The following NCOA2 variants were observed in gnomAD, a reference collection of about 807,000 sequenced individuals.
NCOA2 encodes class E basic helix-loop-helix protein 75.
A neutral mutation model predicts 145.1 loss-of-function variants in NCOA2; 21 were observed. That is an observed-to-expected ratio of 0.14 (90% CI 0.10 to 0.21). The LOEUF (loss-of-function observed/expected upper bound fraction) is 0.21, where lower values mean the gene tolerates loss of function less well. Among genes scored for constraint, NCOA2 ranks in the 10% least tolerant of loss-of-function variants. The probability of loss-of-function intolerance (pLI) is 1.00; values close to 1 mark genes in which losing one functional copy is unlikely to be tolerated. For missense variants in NCOA2, 1,472 were observed against 1,837.6 expected, an observed-to-expected ratio of 0.80 and a Z score of 3.64; for synonymous variants, 619 against 637.5, an observed-to-expected ratio of 0.97 and a Z score of 0.44.
intron 15 of NCOA2, among the ~76,000 whole-genome samples, chr8:70,134,296 C>T (rs1007897654): frequency 7.2e-5 from 11 of 152,156 alleles, no homozygotes; most frequent in African/African-American, 2.7e-4. Flanking sequence ...GAGGAGATTC[C>T]TCAATGAGGA....
intron 14 of NCOA2, 41 bp from the exon 15 acceptor site, chr8:70,138,373 G>C (rs761011157): frequency 1.3e-6 from 2 of 1,542,060 alleles, no homozygotes; most frequent in African/African-American, 2.8e-5. Flanking sequence ...CTTTAATCAA[G>C]GAAGCATTTA....
At chr8:70,320,862 A>AT (rs1354955072) in intron 1 of NCOA2, among the ~76,000 whole-genome samples, 7 of 152,268 alleles carry the variant, frequency 4.6e-5, no homozygotes, top group African/African-American at 1.7e-4. Flanking sequence ...CACTGTGCAT[A>AT]TTGTCTTTAG....
the NCOA2 span, among the ~76,000 whole-genome samples, chr8:70,421,404 A>G: frequency 6.6e-6 from 1 of 151,898 alleles, no homozygotes; most frequent in South Asian, 2.1e-4. Flanking sequence ...AAGAACACAA[A>G]ACAATTAGCC....
chr8:70,118,911 C>T (rs1340597086), intron 22 of NCOA2, among the ~76,000 whole-genome samples: 1 of 152,152 alleles, frequency 6.6e-6, no homozygotes, highest in Non-Finnish European at 1.5e-5. Flanking sequence ...TAGTCTCAAA[C>T]TCTTGACCTC....
At chr8:70,431,229 A>C in the NCOA2 span, among the ~76,000 whole-genome samples, 11 of 152,048 alleles carry the variant, frequency 7.2e-5, no homozygotes, top group Non-Finnish European at 1.5e-4. Context: ...TGTATAATAA[A>C]TAATTTATTT....
At chr8:70,195,287 G>C (rs1026341494) in intron 4 of NCOA2, among the ~76,000 whole-genome samples, 5 of 152,128 alleles carry the variant, frequency 3.3e-5, no homozygotes, top group Middle Eastern at 3.2e-3. Flanking sequence ...CTCTTTAAGA[G>C]TAAAAAATTG....
intron 2 of NCOA2, among the ~76,000 whole-genome samples, chr8:70,226,074 GGAAA>G (rs1319671688): frequency 2.0e-5 from 3 of 151,238 alleles, no homozygotes. Context: ...TGGTGAATTT[GGAAA>G]GAAAAATTAA....
intron 2 of NCOA2, 97 bp from the exon 3 acceptor site, chr8:70,216,861 A>G: frequency 1.3e-6 from 1 of 769,632 alleles, no homozygotes; most frequent in Non-Finnish European, 2.2e-6. Flanking sequence ...TTTGACTCCA[A>G]TCAGAAATTT....
intron 13 of NCOA2, among the ~76,000 whole-genome samples, chr8:70,143,843 G>C (rs1361736577): frequency 6.6e-6 from 1 of 152,224 alleles, no homozygotes; most frequent in Non-Finnish European, 1.5e-5. Context: ...CATTGAGACA[G>C]AGGAAGAAAG....
intron 2 of NCOA2, among the ~76,000 whole-genome samples, chr8:70,219,493 G>A (rs1463027606): frequency 6.6e-6 from 1 of 152,166 alleles, no homozygotes; most frequent in Non-Finnish European, 1.5e-5. Context: ...AGGGGAAAGT[G>A]GGGTGGAGTC....
chr8:70,289,371 C>T (rs1462325067), intron 2 of NCOA2, among the ~76,000 whole-genome samples: 3 of 152,140 alleles, frequency 2.0e-5, no homozygotes, highest in Non-Finnish European at 4.4e-5. Flanking sequence ...CTTTTATAGT[C>T]TAGGTAAAGA....
intron 2 of NCOA2, among the ~76,000 whole-genome samples, chr8:70,218,750 G>A (rs1819881286): frequency 6.6e-6 from 1 of 152,126 alleles, no homozygotes. Flanking sequence ...AAATGACCTA[G>A]GAGATTTTCA....
At chr8:70,411,104 C>T in the NCOA2 span, among the ~76,000 whole-genome samples, 19 of 152,132 alleles carry the variant, frequency 1.2e-4, no homozygotes, top group South Asian at 4.2e-4. Context: ...TTTAAAAAAC[C>T]GGGTAAGAGG....
intron 4 of NCOA2, among the ~76,000 whole-genome samples, chr8:70,195,665 C>T (rs1817224191): frequency 6.6e-6 from 1 of 152,036 alleles, no homozygotes; most frequent in Non-Finnish European, 1.5e-5. Flanking sequence ...ATTGTTAGAC[C>T]AAAGTTCTTG....
rs1202395726 is a variant in NCOA2 at position 70,200,030 on chromosome 8, A to G, written c.259+13873T>C. The stretch of plus-strand genomic sequence containing the variant: ...TTTTCCCCCCTTGTCATTATTCCCT[A>G]AACAATACACTATAACAACTATGTA... On this transcript the variant is annotated intron_variant, in intron 4 of 22. Coordinates refer to ENST00000452400, the MANE Select transcript of NCOA2 (RefSeq NM_006540.4). Among the ~76,000 whole-genome samples, 7 of 152,174 alleles carry G rather than the reference A, an allele frequency of 4.6e-5. No individual in the cohort carries two copies. The South Asian group carries it at 1.2e-3, about 27-fold the overall frequency.
chr8:70,193,518 GCTAT>G (rs776499446), intron 4 of NCOA2, among the ~76,000 whole-genome samples: 1 of 152,126 alleles, frequency 6.6e-6, no homozygotes, highest in African/African-American at 2.4e-5. Context: ...TGACAATTCA[GCTAT>G]CTAACAATAT....
upstream of NCOA2, among the ~76,000 whole-genome samples, chr8:70,405,906 C>A (rs1363347046): frequency 6.6e-6 from 1 of 152,160 alleles, no homozygotes; most frequent in Non-Finnish European, 1.5e-5. Context: ...ACAAAAACGT[C>A]TGACAGCATA....
Position 70,295,802 on chromosome 8 carries a change from G to A in NCOA2, c.-20+942C>T, listed in dbSNP as rs969944728. 9.2e-5 allele frequency among the ~76,000 whole-genome samples: 14 copies of A among 152,156 alleles called. No homozygotes were observed. The South Asian group carries it at 1.2e-3, about 14-fold the overall frequency. On this transcript the variant is annotated intron_variant, in intron 2 of 22. Transcript: ENST00000452400. Reference sequence around the variant, plus strand: ...ATTAAAAATACAAAAAAAATTAGTGGTGCATGCTGGTGGACACCTGTAATC... The same window carrying A: ...ATTAAAAATACAAAAAAAATTAGTGATGCATGCTGGTGGACACCTGTAATC...
chr8:70,163,434 T>C, intron 8 of NCOA2, 31 bp downstream of exon 8: 1 of 1,491,478 alleles, frequency 6.7e-7, no homozygotes, highest in Non-Finnish European at 9.3e-7. Context: ...CTAAAATGAT[T>C]CCTTTGGTCT....
Sources: gnomAD v4.1 joint callset for allele counts (sites outside exome capture counted in the v4.1 genomes callset) on GRCh38, gnomAD v4.1.1 for gene constraint, MANE v1.5 for transcripts, NCBI Gene and HGNC (gene_info 2026-07-23, HGNC 2026-07-21) for gene names.